INVS: variants seen among roughly 807,000 people sequenced by gnomAD.
INVS encodes inversion of embryo turning homolog.
A neutral mutation model predicts 108.8 loss-of-function variants in INVS; 86 were observed. The observed-to-expected ratio is 0.79, with a 90% CI of 0.66 to 0.95. INVS has a LOEUF of 0.95. Among genes scored for constraint, INVS ranks in the 40% least tolerant of loss-of-function variants. The pLI is 0.00. For synonymous variants in INVS, 455 were observed against 473.5 expected, an observed-to-expected ratio of 0.96 and a Z score of 0.51; for missense variants, 1,169 against 1,297.4, an observed-to-expected ratio of 0.90 and a Z score of 1.52.
intron 3 of INVS, among the ~76,000 whole-genome samples, chr9:100,212,330 G>A (rs1305805352): frequency 6.6e-6 from 1 of 152,186 alleles, no homozygotes. Flanking sequence ...CAAGAAGGGT[G>A]TAGAGATTCA....
At chr9:100,100,754 A>AATATATATT (rs1826857899) in intron 1 of INVS, among the ~76,000 whole-genome samples, 1 of 37,848 alleles carries the variant, frequency 2.6e-5, no homozygotes, top group Non-Finnish European at 4.4e-5. Flanking sequence ...ATGTACATAT[A>AATATATATT]ATATATATAA....
intron 2 of INVS, among the ~76,000 whole-genome samples, chr9:100,118,447 G>C (rs1827620238): frequency 6.6e-6 from 1 of 151,830 alleles, no homozygotes; most frequent in South Asian, 2.1e-4. Flanking sequence ...GGCCTCAAGT[G>C]ATCCGCCCGC....
At chr9:100,180,381 C>A (rs536807871) in intron 3 of INVS, among the ~76,000 whole-genome samples, 1 of 150,522 alleles carries the variant, frequency 6.6e-6, no homozygotes, top group Admixed American at 6.6e-5. Context: ...TAGACCACCA[C>A]CCAGACTAAT....
At position 100,284,372 on chromosome 9, in the gene INVS, C is replaced by A. The variant is rs529208660; in HGVS notation, c.1837C>A (p.Arg613=). The part of the protein sequence containing the change: ...RKEAEQQKGR[R]SPDSCRPQAL... The stretch of plus-strand genomic sequence containing the variant: ...AGAGGCAGAACAGCAAAAAGGAAGG[C>A]GGAGCCCAGATTCCTGCAGACCCCA... The change falls in exon 13 of 17, where the codon CGG becomes AGG. Residue 613 remains arginine (R), a synonymous_variant. Coordinates refer to ENST00000262457, the MANE Select transcript of INVS (RefSeq NM_014425.5). 6 of 1,613,556 alleles carry A rather than the reference C, an allele frequency of 3.7e-6. No individual in the cohort carries two copies. The African/African-American group carries it at 4.0e-5, about 11-fold the overall frequency.
intron 3 of INVS, among the ~76,000 whole-genome samples, chr9:100,195,340 A>G (rs1370054786): frequency 6.6e-6 from 1 of 152,152 alleles, no homozygotes; most frequent in Non-Finnish European, 1.5e-5. Context: ...TTTGCTCATT[A>G]TATCAATTGT....
chr9:100,169,235 A>G (rs1050717601), intron 3 of INVS, among the ~76,000 whole-genome samples: 2 of 152,196 alleles, frequency 1.3e-5, no homozygotes, highest in African/African-American at 2.4e-5. Context: ...AGGAATGCCT[A>G]ATTTTTTCTT....
intron 3 of INVS, among the ~76,000 whole-genome samples, chr9:100,220,650 C>T (rs1222929966): frequency 6.6e-6 from 1 of 152,156 alleles, no homozygotes; most frequent in Non-Finnish European, 1.5e-5. Context: ...CTAAAACAAA[C>T]CGTCCTCCAA....
chr9:100,232,984 T>C (rs1831560014), intron 5 of INVS, among the ~76,000 whole-genome samples: 1 of 152,188 alleles, frequency 6.6e-6, no homozygotes. Context: ...TCCCTGTCCA[T>C]GAGTGTGGAA....
At chr9:100,217,894 T>C (rs1831037542) in intron 3 of INVS, among the ~76,000 whole-genome samples, 3 of 152,180 alleles carry the variant, frequency 2.0e-5, no homozygotes, top group Admixed American at 2.0e-4. Flanking sequence ...AAAAGTTTGA[T>C]ATAATGAAAT....
intron 10 of INVS, among the ~76,000 whole-genome samples, chr9:100,263,175 T>G (rs1016993396): frequency 2.0e-5 from 3 of 152,238 alleles, no homozygotes; most frequent in Non-Finnish European, 4.4e-5. Context: ...TTTAGAAGTG[T>G]ACTGTTTAAT....
At chr9:100,269,663 A>G (rs982850383) in intron 11 of INVS, among the ~76,000 whole-genome samples, 3 of 152,292 alleles carry the variant, frequency 2.0e-5, no homozygotes, top group South Asian at 2.1e-4. Context: ...ATGATTTTCT[A>G]TGTCTAGTCA....
chr9:100,280,466 T>C (rs1441808353), intron 12 of INVS, among the ~76,000 whole-genome samples: 1 of 152,076 alleles, frequency 6.6e-6, no homozygotes, highest in Non-Finnish European at 1.5e-5. Flanking sequence ...GAAGCTGTCA[T>C]CTAGCCAATT....
At chr9:100,240,360 T>C in intron 6 of INVS, 120 bp downstream of exon 6, 6 of 694,348 alleles carry the variant, frequency 8.6e-6, no homozygotes, top group South Asian at 5.3e-5. Flanking sequence ...CTAACTGATA[T>C]GTTGCATTGT....
chr9:100,108,975 T>C (rs915559035), intron 2 of INVS, among the ~76,000 whole-genome samples: 2 of 152,246 alleles, frequency 1.3e-5, no homozygotes, highest in Non-Finnish European at 2.9e-5. Flanking sequence ...AATATAAACA[T>C]ACATAGTAAA....
intron 8 of INVS, among the ~76,000 whole-genome samples, chr9:100,247,233 T>C (rs1275350621): frequency 2.6e-5 from 4 of 152,222 alleles, no homozygotes; most frequent in Admixed American, 1.3e-4. Context: ...CAGTTTTGAA[T>C]AGCATTACCA....
At chr9:100,202,648 C>A (rs987062069) in intron 3 of INVS, among the ~76,000 whole-genome samples, 2 of 152,180 alleles carry the variant, frequency 1.3e-5, no homozygotes, top group East Asian at 3.8e-4. Flanking sequence ...CAGTAGCATT[C>A]ATAGACATTG....
At chr9:100,267,136 T>G (rs971442885) in intron 11 of INVS, among the ~76,000 whole-genome samples, 1 of 152,148 alleles carries the variant, frequency 6.6e-6, no homozygotes, top group Non-Finnish European at 1.5e-5. Context: ...GACTGCTATA[T>G]TTTTAAGGAA....
chr9:100,285,264 T>G (rs565034534), intron 13 of INVS, among the ~76,000 whole-genome samples: 2 of 152,376 alleles, frequency 1.3e-5, no homozygotes, highest in Non-Finnish European at 1.5e-5. Context: ...TTGGCTTCCA[T>G]GGTTTCAGAT....
intron 3 of INVS, 100 bp from the exon 4 acceptor site, chr9:100,225,962 C>T (rs866469135): frequency 1.5e-5 from 12 of 785,844 alleles, no homozygotes; most frequent in African/African-American, 1.4e-4. Context: ...GATGTTATTA[C>T]TCTAGGAGAA....
Sources: allele counts gnomAD v4.1 joint callset (sites outside exome capture counted in the v4.1 genomes callset), GRCh38; gene constraint gnomAD v4.1.1; transcripts MANE v1.5; gene names NCBI Gene and HGNC (gene_info 2026-07-23, HGNC 2026-07-21).